Variants in TRPC4 observed in about 807,000 individuals in gnomAD.
TRPC4 encodes short transient receptor potential channel 4.
A neutral mutation model predicts 99.4 loss-of-function variants in TRPC4; 49 were observed. The observed-to-expected ratio is 0.49, with a 90% CI of 0.39 to 0.63. The LOEUF (loss-of-function observed/expected upper bound fraction) is 0.63, where lower values mean the gene tolerates loss of function less well. TRPC4 is among the 20% of genes least tolerant of loss of function. TRPC4 has a pLI of 0.00. For synonymous variants in TRPC4, 454 were observed against 425.9 expected (o/e 1.07, Z -0.81); for missense variants, 898 against 1,152.9 (o/e 0.78, Z 3.20).
intron 1 of TRPC4, among the ~76,000 whole-genome samples, chr13:37,842,471 T>C (rs919933963): frequency 2.0e-5 from 3 of 152,168 alleles, no homozygotes; most frequent in Non-Finnish European, 4.4e-5. Flanking sequence ...CCTATCTTTG[T>C]TTCTGTAGCT....
chr13:37,716,214 T>C (rs908431125), intron 3 of TRPC4, among the ~76,000 whole-genome samples: 1 of 152,130 alleles, frequency 6.6e-6, no homozygotes, highest in African/African-American at 2.4e-5. Flanking sequence ...GTTTCTTAGA[T>C]GGAATAATGC....
chr13:37,834,094 G>A (rs1245578380), intron 1 of TRPC4, among the ~76,000 whole-genome samples: 4 of 152,064 alleles, frequency 2.6e-5, no homozygotes, highest in African/African-American at 4.8e-5. Flanking sequence ...TTCAGAAACT[G>A]CAATATGAGT....
intron 1 of TRPC4, among the ~76,000 whole-genome samples, chr13:37,867,568 A>T (rs1164255459): frequency 1.3e-5 from 2 of 152,062 alleles, no homozygotes; most frequent in Non-Finnish European, 2.9e-5. Context: ...TGACTAGATG[A>T]TCAGATGTTT....
chr13:37,670,233 C>T (rs552345995), intron 5 of TRPC4, among the ~76,000 whole-genome samples: 2 of 152,288 alleles, frequency 1.3e-5, no homozygotes, highest in African/African-American at 2.4e-5. Context: ...TTGTGACAAG[C>T]CGAGGTGACT....
rs79490913 is a variant in TRPC4, at chr13:37,840,721, T to C, written c.-28+28874A>G. ...CAGCTACTTTCTAACATTAGTGAAC[T>C]ATAAATTTATTTTTACATTTTCAAG... On this transcript the variant is annotated intron_variant, in intron 1 of 10. Transcript: ENST00000379705. Among the ~76,000 whole-genome samples the C allele has an allele frequency of 8.9e-3, 1,361 of 152,194 alleles. 35 individuals are homozygous for C. The East Asian group carries it at 0.1, about 11-fold the overall frequency.
intron 3 of TRPC4, among the ~76,000 whole-genome samples, chr13:37,729,830 A>G (rs548668156): frequency 2.0e-5 from 3 of 152,232 alleles, no homozygotes; most frequent in South Asian, 2.1e-4. Flanking sequence ...CTGAATATCT[A>G]TATTCATTAA....
At chr13:37,759,918 T>A (rs891960787) in intron 2 of TRPC4, among the ~76,000 whole-genome samples, 1 of 152,020 alleles carries the variant, frequency 6.6e-6, no homozygotes, top group Non-Finnish European at 1.5e-5. Context: ...ATCACCTCAA[T>A]GTTTTTCAAA....
rs1161735375 is a variant in TRPC4, at chr13:37,804,225, C to T, written c.-27-20865G>A. 2.0e-5 allele frequency among the ~76,000 whole-genome samples: 3 copies of T among 152,196 alleles called. No homozygotes were observed. In the East Asian group the frequency reaches 5.8e-4, roughly 29 times the overall value. ...AGGTGGTATGTCCTAGGCACACTGC[C>T]ATGTTCTTCGTCTATGTTATCTCAT... On this transcript the variant is annotated intron_variant, in intron 1 of 10. Transcript: ENST00000379705.
At chr13:37,755,778 G>A (rs1182384397) in intron 2 of TRPC4, among the ~76,000 whole-genome samples, 1 of 152,074 alleles carries the variant, frequency 6.6e-6, no homozygotes, top group African/African-American at 2.4e-5. Flanking sequence ...ATATGCAAAG[G>A]AATATCCCTT....
intron 6 of TRPC4, among the ~76,000 whole-genome samples, chr13:37,662,032 G>GGGC: frequency 6.6e-6 from 1 of 152,102 alleles, no homozygotes; most frequent in African/African-American, 2.4e-5. Flanking sequence ...CTGGAAGGCC[G>GGGC]GCGAAGTGGC....
chr13:37,727,552 A>G (rs1169733371), intron 3 of TRPC4, among the ~76,000 whole-genome samples: 2 of 151,996 alleles, frequency 1.3e-5, no homozygotes, highest in African/African-American at 2.4e-5. Context: ...AAGAAAGGAA[A>G]TAAGATGAAA....
intron 2 of TRPC4, among the ~76,000 whole-genome samples, chr13:37,750,802 C>G (rs980043223): frequency 6.6e-6 from 1 of 152,100 alleles, no homozygotes; most frequent in Non-Finnish European, 1.5e-5. Context: ...TCCCCTAGCC[C>G]CCAACCCTCC....
In TRPC4 at chr13:37,823,532, C is replaced by T. The variant is rs1487369697; in HGVS notation, c.-27-40172G>A. On this transcript the variant is annotated intron_variant, in intron 1 of 10. Coordinates refer to ENST00000379705, the MANE Select transcript of TRPC4 (RefSeq NM_016179.4). ...AGCACCATTTATTAAATAGGGAATC[C>T]TTTCCCCATTGCTTGTTTTTCTCAG... 8.1e-4 allele frequency among the ~76,000 whole-genome samples: 123 copies of T among 151,670 alleles called. 1 individual carries two copies. The East Asian group carries it at 0.022, about 27-fold the overall frequency.
At chr13:37,690,808 C>T (rs544956733) in intron 4 of TRPC4, among the ~76,000 whole-genome samples, 223 of 105,538 alleles carry the variant, frequency 2.1e-3, no homozygotes, top group African/African-American at 7.2e-3. Context: ...CTCAAATAGG[C>T]TGTCTTTTTT....
intron 6 of TRPC4, 46 bp from the exon 7 acceptor site, chr13:37,655,329 A>G (rs1471576975): frequency 6.1e-6 from 7 of 1,152,148 alleles, no homozygotes; most frequent in South Asian, 2.8e-5. Flanking sequence ...TAATGGAATC[A>G]TTATACATGG....
chr13:37,677,637 A>C (rs1254865134), intron 4 of TRPC4, among the ~76,000 whole-genome samples: 2 of 152,158 alleles, frequency 1.3e-5, no homozygotes, highest in Non-Finnish European at 2.9e-5. Flanking sequence ...TGCAGTTAAC[A>C]AAAGAACCCT....
chr13:37,764,675 T>A (rs868768825), intron 2 of TRPC4, among the ~76,000 whole-genome samples: 1 of 151,408 alleles, frequency 6.6e-6, no homozygotes, highest in African/African-American at 2.4e-5. Context: ...CAGAATGATA[T>A]AAACTGTAGA....
intron 3 of TRPC4, among the ~76,000 whole-genome samples, chr13:37,720,020 T>C (rs1954815141): frequency 6.6e-6 from 1 of 151,990 alleles, no homozygotes; most frequent in African/African-American, 2.4e-5. Flanking sequence ...AGCAGGAGGC[T>C]AAGGTGATGC....
chr13:37,648,713 T>A (rs943438593), intron 8 of TRPC4, among the ~76,000 whole-genome samples: 3 of 152,162 alleles, frequency 2.0e-5, no homozygotes, highest in African/African-American at 7.2e-5. Flanking sequence ...TGAGAATGAA[T>A]CACTACTTTA....
Sources: gnomAD v4.1 joint callset for allele counts (sites outside exome capture counted in the v4.1 genomes callset) on GRCh38, gnomAD v4.1.1 for gene constraint, MANE v1.5 for transcripts, NCBI Gene and HGNC (gene_info 2026-07-23, HGNC 2026-07-21) for gene names.